EGFLAM: variants seen among roughly 807,000 people sequenced by gnomAD.
The protein encoded by EGFLAM is pikachurin.
Under a neutral mutation model 113.1 loss-of-function variants are expected in EGFLAM, and 79 were observed. The ratio of observed to expected loss-of-function variants is 0.70; its 90% CI spans 0.58 to 0.84. EGFLAM has a LOEUF of 0.84. Ranked by LOEUF, EGFLAM falls within the 40% of genes least tolerant of loss-of-function variation. The pLI is 0.00. For missense variants in EGFLAM, 1,265 were observed against 1,291.6 expected (o/e 0.98, Z 0.32); for synonymous variants, 504 against 487.6 (o/e 1.03, Z -0.44).
chr5:38,281,143 G>C (rs1287083228), intron 1 of EGFLAM, among the ~76,000 whole-genome samples: 1 of 152,178 alleles, frequency 6.6e-6, no homozygotes, highest in East Asian at 1.9e-4. Flanking sequence ...CTTGTGCCTA[G>C]AGTCAACAAC....
intron 15 of EGFLAM, 24 bp downstream of exon 15, chr5:38,431,312 T>G: frequency 2.2e-5 from 35 of 1,601,066 alleles, no homozygotes; most frequent in Non-Finnish European, 2.7e-5. Context: ...ACCTTTTCTC[T>G]TGATGGTTAG....
intron 1 of EGFLAM, among the ~76,000 whole-genome samples, chr5:38,323,909 G>A (rs1379735731): frequency 6.6e-6 from 1 of 152,050 alleles, no homozygotes; most frequent in African/African-American, 2.4e-5. Flanking sequence ...TGGCGTGGTG[G>A]TGCATGCCTG....
At chr5:38,312,424 G>GT (rs1389700218) in intron 1 of EGFLAM, among the ~76,000 whole-genome samples, 4 of 151,776 alleles carry the variant, frequency 2.6e-5, no homozygotes, top group Admixed American at 6.6e-5. Flanking sequence ...TGTATTTTTA[G>GT]AGAGACGGGG....
In EGFLAM at chr5:38,370,434, C is replaced by G; in HGVS notation, c.684C>G (p.Ser228Arg). 1 of 1,614,174 alleles carries G rather than the reference C, an allele frequency of 6.2e-7. No homozygotes were observed. Among genetic ancestry groups the G allele is most frequent in the Non-Finnish European group, 8.5e-7 (1 of 1,180,024 alleles). ...AMNSHGPSPR[S>R]WPSDIIRTLC... ...ATTCCCATGGCCCCAGCCCCCGCAG[C>G]TGGCCCAGTGACATCATCCGGACCC... Residue 228 changes from serine (S) to arginine (R), a missense_variant, in exon 6 of 22, where the codon AGC becomes AGG. Coordinates refer to ENST00000322350, the MANE Select transcript of EGFLAM (RefSeq NM_152403.4).
intron 5 of EGFLAM, among the ~76,000 whole-genome samples, chr5:38,364,575 C>CT (rs1213026205): frequency 1.3e-5 from 2 of 152,108 alleles, no homozygotes; most frequent in Non-Finnish European, 2.9e-5. Flanking sequence ...CATCTATATC[C>CT]TGAAGGGAAT....
At chr5:38,416,067 A>T (rs10065163) in intron 11 of EGFLAM, among the ~76,000 whole-genome samples, 11,865 of 151,394 alleles carry the variant, frequency 0.078, 592 homozygotes, top group South Asian at 0.17. Flanking sequence ...TTTTTTTTTT[A>T]AAAAAATAAG....
intron 1 of EGFLAM, among the ~76,000 whole-genome samples, chr5:38,262,419 C>T (rs1427384632): frequency 1.3e-5 from 2 of 152,182 alleles, no homozygotes; most frequent in African/African-American, 4.8e-5. Context: ...TGAGCCCTAA[C>T]AAACATACAC....
intron 20 of EGFLAM, among the ~76,000 whole-genome samples, chr5:38,459,782 G>A (rs1273299417): frequency 1.1e-3 from 1 of 884 alleles, no homozygotes; most frequent in Non-Finnish European, 1.8e-3. Flanking sequence ...CCTGGCTGCT[G>A]GGCCCCCAAC....
At chr5:38,452,601 G>T (rs1050240176) in intron 19 of EGFLAM, among the ~76,000 whole-genome samples, 4 of 152,170 alleles carry the variant, frequency 2.6e-5, no homozygotes, top group African/African-American at 9.7e-5. Flanking sequence ...GCTCAGGGAG[G>T]TCTAAAACCC....
chr5:38,369,276 C>A (rs1232079074), intron 5 of EGFLAM, among the ~76,000 whole-genome samples: 2 of 152,148 alleles, frequency 1.3e-5, no homozygotes, highest in African/African-American at 4.8e-5. Context: ...GAACATATAA[C>A]CCATATAAAA....
chr5:38,458,421 G>A, intron 20 of EGFLAM, 27 bp downstream of exon 20: 13 of 1,610,188 alleles, frequency 8.1e-6, no homozygotes, highest in Non-Finnish European at 1.1e-5. Flanking sequence ...GCATGAGGCA[G>A]AGCCAGAGCT....
intron 20 of EGFLAM, chr5:38,461,040 T>C (rs1019086155): frequency 1.3e-5 from 2 of 152,346 alleles, no homozygotes; most frequent in East Asian, 1.9e-4. Flanking sequence ...ATAAAAATGA[T>C]AATGATATTG....
chr5:38,312,530 G>A (rs1320609476), intron 1 of EGFLAM, among the ~76,000 whole-genome samples: 2 of 151,760 alleles, frequency 1.3e-5, no homozygotes, highest in African/African-American at 2.4e-5. Flanking sequence ...GTGAGCCACC[G>A]CGCCTGGCCA....
rs761199986 is a variant in EGFLAM, at chr5:38,350,617, A to G, written c.408A>G (p.Gln136=). The G allele has an allele frequency of 2.5e-6, 4 of 1,612,812 alleles. No individual in the cohort carries two copies. The highest frequency in any genetic ancestry group is 1.7e-5 in the Admixed American group (1 of 59,694). ...CTCGGCATGTCACCACTTTGTCCCA[A>G]GGTAAAGTAGGTTCAAATTCATTAA... is the stretch of plus-strand genomic sequence containing the variant. ...SSPRHVTTLS[Q]DSCLPPAAPQ... is the part of the protein sequence containing the mutation. Residue 136 remains glutamine (Q), a splice_region_variant and synonymous_variant, in exon 4 of 22, where the codon CAA becomes CAG. Coordinates refer to ENST00000322350, the MANE Select transcript of EGFLAM (RefSeq NM_152403.4).
At chr5:38,343,337 C>T (rs957164191) in intron 3 of EGFLAM, among the ~76,000 whole-genome samples, 44 of 148,656 alleles carry the variant, frequency 3.0e-4, no homozygotes, top group African/African-American at 1.0e-3. Context: ...ACCCTGGAGG[C>T]GGAGGTTACA....
chr5:38,371,117 C>G (rs6879354), intron 6 of EGFLAM, among the ~76,000 whole-genome samples: 3,611 of 152,292 alleles, frequency 0.024, 153 homozygotes, highest in African/African-American at 0.082. Context: ...AACACTTTGT[C>G]AAGTCCAGCC....
At chr5:38,343,452 T>C (rs1739396553) in intron 3 of EGFLAM, among the ~76,000 whole-genome samples, 1 of 150,646 alleles carries the variant, frequency 6.6e-6, no homozygotes, top group South Asian at 2.1e-4. Context: ...GCAATGGTTC[T>C]CAACTGGGGG....
chr5:38,316,755 G>T (rs1275168559), intron 1 of EGFLAM, among the ~76,000 whole-genome samples: 1 of 152,152 alleles, frequency 6.6e-6, no homozygotes, highest in African/African-American at 2.4e-5. Flanking sequence ...TTCCAACTCA[G>T]CTGTTTCCAC....
intron 6 of EGFLAM, among the ~76,000 whole-genome samples, chr5:38,377,066 A>G (rs895143830): frequency 6.6e-6 from 1 of 151,600 alleles, no homozygotes; most frequent in African/African-American, 2.4e-5. Context: ...GTCTGTCTGT[A>G]TCTCCTCTCT....
Sources: allele counts gnomAD v4.1 joint callset (sites outside exome capture counted in the v4.1 genomes callset), GRCh38; gene constraint gnomAD v4.1.1; transcripts MANE v1.5; gene names NCBI Gene and HGNC (gene_info 2026-07-23, HGNC 2026-07-21).